Variants in TMEM38B observed in about 807,000 individuals in gnomAD.
TMEM38B encodes trimeric intracellular cation channel type B.
A neutral mutation model predicts 28.7 loss-of-function variants in TMEM38B; 24 were observed. The ratio of observed to expected loss-of-function variants is 0.84; its 90% CI spans 0.61 to 1.18. The LOEUF (loss-of-function observed/expected upper bound fraction) is 1.18. TMEM38B is among the 50% of genes most tolerant of loss of function. The probability of loss-of-function intolerance (pLI) is 0.00; values close to 1 mark genes in which losing one functional copy is unlikely to be tolerated. For synonymous variants in TMEM38B, 131 were observed against 127.7 expected, an observed-to-expected ratio of 1.03 and a Z score of -0.17; for missense variants, 380 against 350.9, an observed-to-expected ratio of 1.08 and a Z score of -0.66.
At chr9:105,748,833 G>C (rs1245521283) in intron 5 of TMEM38B, among the ~76,000 whole-genome samples, 1 of 152,180 alleles carries the variant, frequency 6.6e-6, no homozygotes, top group Non-Finnish European at 1.5e-5. Context: ...GCTGTATCAT[G>C]AGGCTAATTC....
chr9:105,728,078 A>C (rs1350641234), intron 4 of TMEM38B, among the ~76,000 whole-genome samples: 2 of 152,050 alleles, frequency 1.3e-5, no homozygotes, highest in Admixed American at 6.6e-5. Context: ...ACCAAGCCTC[A>C]TGTATTTCTT....
intron 2 of TMEM38B, chr9:105,710,383 C>A: frequency 1.2e-6 from 1 of 827,334 alleles, no homozygotes; most frequent in Non-Finnish European, 2.0e-6. Context: ...TATGAAAAGA[C>A]TGACTTCATG....
At chr9:105,770,883 A>G (rs1826522902) in intron 5 of TMEM38B, among the ~76,000 whole-genome samples, 2 of 152,186 alleles carry the variant, frequency 1.3e-5, no homozygotes, top group East Asian at 1.9e-4. Context: ...TATGCTTTGA[A>G]TTATTGCTAT....
chr9:105,764,886 A>G (rs1217237561), intron 5 of TMEM38B, among the ~76,000 whole-genome samples: 2 of 152,072 alleles, frequency 1.3e-5, no homozygotes, highest in East Asian at 1.9e-4. Flanking sequence ...AAACAGAGAT[A>G]TAGATCAATG....
intron 1 of TMEM38B, among the ~76,000 whole-genome samples, chr9:105,699,474 C>T (rs1388476735): frequency 1.3e-5 from 2 of 152,164 alleles, no homozygotes; most frequent in Non-Finnish European, 2.9e-5. Flanking sequence ...TACCTCACTC[C>T]GTACTTTCCC....
chr9:105,759,759 T>A, intron 5 of TMEM38B: 1 of 1,608,068 alleles, frequency 6.2e-7, no homozygotes, highest in Non-Finnish European at 8.5e-7. Context: ...CATTCCGTGC[T>A]GGTTTTAAGA....
chr9:105,701,009 A>T (rs1331820054), intron 1 of TMEM38B: 1 of 152,050 alleles, frequency 6.6e-6, no homozygotes, highest in Admixed American at 6.6e-5. Flanking sequence ...CAGGGGTCTC[A>T]GTCTGGGCTC....
intron 4 of TMEM38B, among the ~76,000 whole-genome samples, chr9:105,741,297 A>G (rs6477463): frequency 0.23 from 35,516 of 152,160 alleles, 6,799 homozygotes; most frequent in African/African-American, 0.51. Context: ...GGTACAGGAT[A>G]TGGTGTGCTG....
chr9:105,747,010 T>C (rs1268650556), intron 4 of TMEM38B, among the ~76,000 whole-genome samples: 1 of 152,206 alleles, frequency 6.6e-6, no homozygotes, highest in Admixed American at 6.5e-5. Context: ...GCATCGATGT[T>C]CATCAGGGGT....
intron 5 of TMEM38B, chr9:105,760,033 G>T: frequency 7.4e-7 from 1 of 1,355,456 alleles, no homozygotes; most frequent in South Asian, 1.3e-5. Context: ...AGAATTTTCA[G>T]AAAATTCTTT....
chr9:105,746,172 A>C (rs7029064), intron 4 of TMEM38B, among the ~76,000 whole-genome samples: 35,168 of 151,930 alleles, frequency 0.23, 6,666 homozygotes, highest in African/African-American at 0.5. Flanking sequence ...TAACTTGGGC[A>C]GTATGGCCAT....
In TMEM38B at chr9:105,707,680, CTAT is replaced by C. The variant is rs376699735; in HGVS notation, c.269+1935_269+1937del. ...TAATCAGAGGAGTACTATAAGGTAGCTATTATTATTTCCATTTGACAAATGATA... is the reference window on the plus strand; with the variant it reads ...TAATCAGAGGAGTACTATAAGGTAGCTATTATTTCCATTTGACAAATGATA... On this transcript the variant is annotated intron_variant, in intron 2 of 5. Coordinates refer to ENST00000374692, the MANE Select transcript of TMEM38B (RefSeq NM_018112.3). Among the ~76,000 whole-genome samples the C allele has an allele frequency of 1.6e-3, 243 of 152,198 alleles. 2 individuals carry two copies. The highest frequency in any genetic ancestry group is 5.5e-3 in the African/African-American group (228 of 41,514).
Position 105,694,782 on chromosome 9 carries a change from G to A in TMEM38B, c.112+10G>A, listed in dbSNP as rs199545910. On this transcript the variant is annotated intron_variant, in intron 1 of 5. Transcript: ENST00000374692. Reference sequence around the variant, plus strand: ...GTGAAACGTCAGCCGGGTGAGTGCGGGGCGCCGCGGGCCGGACCCCTCAGA... The same window carrying A: ...GTGAAACGTCAGCCGGGTGAGTGCGAGGCGCCGCGGGCCGGACCCCTCAGA... The A allele has an allele frequency of 2.9e-5, 46 of 1,608,084 alleles. No individual in the cohort carries two copies. The African/African-American group carries it at 4.7e-4, about 16-fold the overall frequency.
chr9:105,774,290 AC>A lies in TMEM38B; in HGVS notation c.*212del, dbSNP rs1826659075. 1 of 478,420 alleles carries A rather than the reference AC, an allele frequency of 2.1e-6. No homozygotes were observed. Among genetic ancestry groups the A allele is most frequent in the Non-Finnish European group, 3.7e-6 (1 of 271,486 alleles). The allele number at this position is 478,420 out of a possible 1,614,324, so 29.6% of individuals were successfully genotyped here. ...CGAGTGTATCATGTGATTATGCTTT[AC>A]CGGTATAAGAGATTCTGTTGTGATT... On this transcript the variant is annotated 3_prime_UTR_variant, in exon 6 of 6. Coordinates refer to ENST00000374692, the MANE Select transcript of TMEM38B (RefSeq NM_018112.3).
Position 105,694,756 on chromosome 9 carries a change from G to T in TMEM38B, c.96G>T (p.Ala32=), listed in dbSNP as rs1175682026. The stretch of plus-strand genomic sequence containing the variant: ...CGCACTATCTAGTGTCAGTGATGGC[G>T]GTGAAACGTCAGCCGGGTGAGTGCG... ...DIAHYLVSVM[A]VKRQPGAAAL... is the part of the protein sequence containing the mutation. The change falls in exon 1 of 6, where the codon GCG becomes GCT. Residue 32 remains alanine (A), a synonymous_variant. Transcript: ENST00000374692. 6.2e-7 allele frequency: 1 copy of T among 1,604,652 alleles called. No homozygotes were observed. The highest frequency in any genetic ancestry group is 8.5e-7 in the Non-Finnish European group (1 of 1,174,180).
chr9:105,758,622 A>G lies in TMEM38B; in HGVS notation c.660+10432A>G, dbSNP rs183598595. 1.3e-4 allele frequency: 111 copies of G among 839,564 alleles called. No homozygotes were observed. The African/African-American group carries it at 1.6e-3, about 12-fold the overall frequency. The allele number at this position is 839,564 out of a possible 1,614,324, so 52.0% of individuals were successfully genotyped here. ...GTGGGGATCAGAAAATGTTGATGGTACTAACCAGCTCTTCAGATTTCCTGC... is the reference window on the plus strand; with the variant it reads ...GTGGGGATCAGAAAATGTTGATGGTGCTAACCAGCTCTTCAGATTTCCTGC... On this transcript the variant is annotated intron_variant, in intron 5 of 5. Coordinates refer to ENST00000374692, the MANE Select transcript of TMEM38B (RefSeq NM_018112.3).
chr9:105,741,800 C>A, intron 4 of TMEM38B, among the ~76,000 whole-genome samples: 1 of 152,304 alleles, frequency 6.6e-6, no homozygotes, highest in South Asian at 2.1e-4. Flanking sequence ...AAAACCAGGA[C>A]TCAATCATTT....
At chr9:105,713,582 G>A (rs950360092) in intron 2 of TMEM38B, among the ~76,000 whole-genome samples, 8 of 152,312 alleles carry the variant, frequency 5.3e-5, no homozygotes, top group South Asian at 2.1e-4. Flanking sequence ...GTGGCCAGGC[G>A]CTGGCCTGCA....
At chr9:105,736,985 C>G (rs1299378772) in intron 4 of TMEM38B, among the ~76,000 whole-genome samples, 1 of 152,180 alleles carries the variant, frequency 6.6e-6, no homozygotes, top group African/African-American at 2.4e-5. Flanking sequence ...TCCTCTAGTT[C>G]TTGTTTTCCC....
Sources: allele counts gnomAD v4.1 joint callset (sites outside exome capture counted in the v4.1 genomes callset), GRCh38; gene constraint gnomAD v4.1.1; transcripts MANE v1.5; gene names NCBI Gene and HGNC (gene_info 2026-07-23, HGNC 2026-07-21).